The following POLG variants were observed in gnomAD, a reference collection of about 807,000 sequenced individuals.
POLG encodes the protein DNA polymerase gamma, catalytic subunit.
Under a neutral mutation model 155.4 loss-of-function variants are expected in POLG, and 110 were observed. That is an observed-to-expected ratio of 0.71 (90% CI 0.61 to 0.83). POLG has a LOEUF of 0.83. Among genes scored for constraint, POLG ranks in the 40% least tolerant of loss-of-function variants. The probability of loss-of-function intolerance (pLI) is 0.00; values close to 1 mark genes in which losing one functional copy is unlikely to be tolerated. For synonymous variants in POLG, 701 were observed against 631.5 expected (o/e 1.11, Z -1.65); for missense variants, 1,685 against 1,627.5 (o/e 1.04, Z -0.61).
intron 20 of POLG, 89 bp from the exon 21 acceptor site, chr15:89,318,838 G>C: frequency 1.3e-6 from 2 of 1,565,148 alleles, no homozygotes; most frequent in Non-Finnish European, 8.8e-7. Context: ...GCTTCACTCT[G>C]GCCCTACCTA....
At chr15:89,318,515 G>A (rs1483706560) in intron 21 of POLG, 26 bp downstream of exon 21, 7 of 1,601,956 alleles carry the variant, frequency 4.4e-6, no homozygotes, top group Non-Finnish European at 6.0e-6. Context: ...CACATGGCCA[G>A]GCTAGAGGCC....
chr15:89,324,652 G>A (rs1000091663), intron 10 of POLG, among the ~76,000 whole-genome samples: 6 of 152,314 alleles, frequency 3.9e-5, no homozygotes, highest in Admixed American at 1.3e-4. Flanking sequence ...GAAGAGCCAG[G>A]ACTCTTAATT....
intron 14 of POLG, 64 bp downstream of exon 14, chr15:89,322,678 T>G: frequency 6.4e-7 from 1 of 1,551,654 alleles, no homozygotes; most frequent in Non-Finnish European, 8.9e-7. Context: ...CCAGGGTTAG[T>G]CAGGGGTCCC....
chr15:89,324,640 C>T (rs1345397407), intron 10 of POLG, among the ~76,000 whole-genome samples: 13 of 152,212 alleles, frequency 8.5e-5, no homozygotes. Context: ...TCAGGCTGCC[C>T]TGAAGAGCCA....
rs765638362 is a variant in POLG at position 89,321,077 on chromosome 15, G to A, written c.2734+48C>T. The A allele has an allele frequency of 3.8e-6, 6 of 1,558,726 alleles. No individual in the cohort carries two copies. In the African/African-American group the frequency reaches 6.2e-5, roughly 16 times the overall value. Reference sequence around the variant, plus strand: ...ATTCTGCCCAATGTTCATCAGAACTGTCAATATGCTGAGGGGCTGGGCTGC... The same window carrying A: ...ATTCTGCCCAATGTTCATCAGAACTATCAATATGCTGAGGGGCTGGGCTGC... On this transcript the variant is annotated intron_variant, in intron 17 of 22. Coordinates refer to ENST00000268124, the MANE Select transcript of POLG (RefSeq NM_002693.3).
Position 89,333,516 on chromosome 15 carries a change from G to A in POLG, c.239C>T (p.Ser80Leu). The change falls in exon 2 of 23, where the codon TCG (serine) becomes TTG (leucine). Residue 80 changes from serine (S) to leucine (L), a missense_variant. By Grantham distance (145) the Ser-to-Leu change is moderately radical (BLOSUM62 -2). Around this residue, in one of 3 missense-constraint regions of POLG, gnomAD observed 1,210 missense variants for 1,167.1 expected, o/e 1.04. Coordinates refer to ENST00000268124, the MANE Select transcript of POLG (RefSeq NM_002693.3). ...GAAGATTTGCTCGTGCAGCCCTCTCGAGAGCATCTGGATGTCCAATGGGTT... is the reference window on the plus strand; with the variant it reads ...GAAGATTTGCTCGTGCAGCCCTCTCAAGAGCATCTGGATGTCCAATGGGTT... ...RHNPLDIQML[S>L]RGLHEQIFGQ... The A allele has an allele frequency of 6.2e-7, 1 of 1,612,826 alleles. No individual in the cohort carries two copies. The highest frequency in any genetic ancestry group is 8.5e-7 in the Non-Finnish European group (1 of 1,179,710).
At chr15:89,317,183 G>GT (rs1395585395) in intron 22 of POLG, 193 bp downstream of exon 22, 4 of 627,894 alleles carry the variant, frequency 6.4e-6, no homozygotes, top group African/African-American at 5.5e-5. Context: ...TTGAAGCTCT[G>GT]CTGCCTTCAT....
intron 14 of POLG, 56 bp downstream of exon 14, chr15:89,322,686 C>T: frequency 1.9e-6 from 3 of 1,582,788 alleles, no homozygotes; most frequent in East Asian, 4.5e-5. Context: ...AGTCAGGGGT[C>T]CCTGGGTGGG....
At chr15:89,322,590 C>G in intron 14 of POLG, 152 bp downstream of exon 14, 1 of 788,592 alleles carries the variant, frequency 1.3e-6, no homozygotes, top group Non-Finnish European at 2.2e-6. Flanking sequence ...AGAGGGGAGA[C>G]CTGCCCAAGG....
chr15:89,322,880 C>G lies in POLG; in HGVS notation c.2288G>C (p.Gly763Ala). 6.2e-7 allele frequency: 1 copy of G among 1,613,312 alleles called. No individual in the cohort carries two copies. The highest frequency in any genetic ancestry group is 8.5e-7 in the Non-Finnish European group (1 of 1,179,916). Residue 763 changes from glycine (G) to alanine (A), a missense_variant, in exon 14 of 23, where the codon GGA becomes GCA. By Grantham distance (60) the Gly-to-Ala change is moderately conservative (BLOSUM62 0). This residue lies in a region of POLG where 1,210 missense variants were observed against 1,167.1 expected (regional missense o/e 1.04). Transcript: ENST00000268124. ...CAGGAAGTCCTTGGCAAAGGGGCTTCCCACATTACAGCTATTACCATCCTG... is the reference window on the plus strand; with the variant it reads ...CAGGAAGTCCTTGGCAAAGGGGCTTGCCACATTACAGCTATTACCATCCTG... ...PHKDGNSCNVGSPFAKDFLPK... is the reference protein window; with the variant it reads ...PHKDGNSCNVASPFAKDFLPK...
chr15:89,316,556 GCAT>G lies in POLG; in HGVS notation c.*192_*194del, dbSNP rs2055271846. ...TGTCCTGTAGTCCACACCGATGTTGGCATCTTGGTTCTGAACCCACTGAATTCA... is the reference window on the plus strand; with the variant it reads ...TGTCCTGTAGTCCACACCGATGTTGGCTTGGTTCTGAACCCACTGAATTCA... On this transcript the variant is annotated 3_prime_UTR_variant, in exon 23 of 23. Transcript: ENST00000268124. 7 of 1,325,290 alleles carry G rather than the reference GCAT, an allele frequency of 5.3e-6. No individual in the cohort carries two copies. The highest frequency in any genetic ancestry group is 7.5e-6 in the Non-Finnish European group (7 of 937,638). The allele number at this position is 1,325,290 out of a possible 1,614,324, so 82.1% of individuals were successfully genotyped here. A position where few individuals can be genotyped will look rare whatever the true frequency, so the allele number is the denominator to read the frequency against.
In POLG at chr15:89,325,089, TGAGTGAGTGAGAGAGTGAGAGA is replaced by T. The variant is rs1567189230; in HGVS notation, c.1949+339_1949+360del. The stretch of plus-strand genomic sequence containing the variant: ...GTGAGTGAGTGAGTGAGTGAGAGAG[TGAGTGAGTGAGAGAGTGAGAGA>T]GAGTGAGTGAGTGAGTGAGAGAGTG... On this transcript the variant is annotated intron_variant, in intron 10 of 22. Coordinates refer to ENST00000268124, the MANE Select transcript of POLG (RefSeq NM_002693.3). Among the ~76,000 whole-genome samples, 115 of 41,236 alleles carry T rather than the reference TGAGTGAGTGAGAGAGTGAGAGA, an allele frequency of 2.8e-3. 16 individuals are homozygous for T. The highest frequency in any genetic ancestry group is 9.6e-3 in the East Asian group (16 of 1,668). The allele number at this position is 41,236 out of a possible 152,430, so 27.1% of individuals were successfully genotyped here. A position where few individuals can be genotyped will look rare whatever the true frequency, so the allele number is the denominator to read the frequency against.
At position 89,321,383 on chromosome 15, in the gene POLG, G is replaced by A. The variant is rs16943050; in HGVS notation, c.2599-123C>T. 9.3e-3 allele frequency: 10,659 copies of A among 1,146,184 alleles called. 577 individuals carry two copies. The African/African-American group carries it at 0.13, about 14-fold the overall frequency. The allele number at this position is 1,146,184 out of a possible 1,614,324, so 71.0% of individuals were successfully genotyped here. On this transcript the variant is annotated intron_variant, in intron 16 of 22. Coordinates refer to ENST00000268124, the MANE Select transcript of POLG (RefSeq NM_002693.3). ...GCTTTAGAGAATGCCAGACAGCACT[G>A]CTGAAATTCCACAGTTCCAGAGATG...
At chr15:89,320,694 T>A in intron 18 of POLG, 72 bp downstream of exon 18, 2 of 1,542,996 alleles carry the variant, frequency 1.3e-6, no homozygotes, top group Non-Finnish European at 1.8e-6. Context: ...ATAGAACAGA[T>A]GGTAGTACTA....
Position 89,321,992 on chromosome 15 carries a change from G to C in POLG, c.2450C>G (p.Pro817Arg). ...RISSQMVVWL[P>R]RSALPRAVIR... ...CACAGCACGGGGCAGAGCTGACCTGGGCAGCCACACCACCATCTGGGAGCT... is the reference window on the plus strand; with the variant it reads ...CACAGCACGGGGCAGAGCTGACCTGCGCAGCCACACCACCATCTGGGAGCT... The change falls in exon 15 of 23, where the codon CCC becomes CGC. Residue 817 changes from proline to arginine, a missense_variant. Pro to Arg is a moderately radical substitution (Grantham distance 103). Around this residue, in one of 3 missense-constraint regions of POLG, gnomAD observed 1,210 missense variants for 1,167.1 expected, o/e 1.04. Transcript: ENST00000268124. 1.2e-6 allele frequency: 2 copies of C among 1,614,112 alleles called. No individual in the cohort carries two copies. The highest frequency in any genetic ancestry group is 4.5e-5 in the East Asian group (2 of 44,882).
In POLG at chr15:89,325,045, T is replaced by TGAGTGAGTGAGTGAGA. The variant is rs2055455138; in HGVS notation, c.1949+404_1949+405insTCTCACTCACTCACTC. On this transcript the variant is annotated intron_variant, in intron 10 of 22. Coordinates refer to ENST00000268124, the MANE Select transcript of POLG (RefSeq NM_002693.3). ...AAAAAACCTGAACCCAGAGAGTGAG[T>TGAGTGAGTGAGTGAGA]GAGTGAGTGAGAGAGTGAGTGAGTG... Among the ~76,000 whole-genome samples the TGAGTGAGTGAGTGAGA allele has an allele frequency of 1.7e-5, 2 of 114,630 alleles. 1 individual carries two copies. Among genetic ancestry groups the TGAGTGAGTGAGTGAGA allele is most frequent in the African/African-American group, 1.1e-4 (2 of 17,424 alleles). The allele number at this position is 114,630 out of a possible 152,430, so 75.2% of individuals were successfully genotyped here.
intron 13 of POLG, among the ~76,000 whole-genome samples, chr15:89,323,177 C>T (rs1405146000): frequency 3.9e-5 from 6 of 152,236 alleles, no homozygotes; most frequent in South Asian, 2.1e-4. Context: ...ACCAAACATA[C>T]GACGTGCCCC....
chr15:89,327,667 C>T (rs2055540798), intron 6 of POLG, among the ~76,000 whole-genome samples: 1 of 152,148 alleles, frequency 6.6e-6, no homozygotes, highest in Non-Finnish European at 1.5e-5. Context: ...TGCTAATAAT[C>T]CCATACATGA....
chr15:89,318,580 C>CGGTAGCGGTCCTCCTCCCGCACCA lies in POLG; in HGVS notation c.3419_3442dup (p.Leu1140_Tyr1147dup), dbSNP rs2055342092. ...GGTGATCTGCAAGGCCAGGGCAGCGCGGTAGCGGTCCTCCTCCCGCACCAG... is the reference window on the plus strand; with the variant it reads ...GGTGATCTGCAAGGCCAGGGCAGCGCGGTAGCGGTCCTCCTCCCGCACCAGGTAGCGGTCCTCCTCCCGCACCAG... On this transcript the variant is annotated inframe_insertion, in exon 21 of 23. Transcript: ENST00000268124. The CGGTAGCGGTCCTCCTCCCGCACCA allele has an allele frequency of 6.2e-7, 1 of 1,614,026 alleles. No homozygotes were observed. The highest frequency in any genetic ancestry group is 1.7e-5 in the Admixed American group (1 of 60,028).
Sources: allele counts gnomAD v4.1 joint callset (sites outside exome capture counted in the v4.1 genomes callset), GRCh38; gene constraint gnomAD v4.1.1; regional missense constraint gnomAD v4.1.1; transcripts MANE v1.5; gene names NCBI Gene and HGNC (gene_info 2026-07-23, HGNC 2026-07-21).